Variants in TBC1D1 observed in about 807,000 individuals in gnomAD.
TBC1D1 encodes the protein TBC1 (tre-2/USP6, BUB2, cdc16) domain family, member 1.
Under a neutral mutation model 125.6 loss-of-function variants are expected in TBC1D1, and 89 were observed. The ratio of observed to expected loss-of-function variants is 0.71; its 90% CI spans 0.60 to 0.85. The LOEUF is 0.85. Among genes scored for constraint, TBC1D1 ranks in the 40% least tolerant of loss-of-function variants. TBC1D1 has a pLI of 0.00. For synonymous variants in TBC1D1, 565 were observed against 564.1 expected (o/e 1.00, Z -0.02); for missense variants, 1,377 against 1,469.2 (o/e 0.94, Z 1.03).
At chr4:37,996,081 G>T in intron 2 of TBC1D1, 1 of 511,934 alleles carries the variant, frequency 2.0e-6, no homozygotes, top group East Asian at 5.4e-5. Flanking sequence ...GCCTATGTGG[G>T]TATATGATTT....
intron 3 of TBC1D1, among the ~76,000 whole-genome samples, chr4:38,015,487 GTGTTAAA>G: frequency 1.3e-5 from 2 of 150,708 alleles, no homozygotes; most frequent in South Asian, 4.2e-4. Context: ...TAGAAAAAAA[GTGTTAAA>G]TTGACAGCCA....
chr4:38,002,858 G>A lies in TBC1D1; in HGVS notation c.418-11651G>A, dbSNP rs142852197. ...AAATGGAGTCACTTATGCTAAAGGT[G>A]ATGTAATCAAACTGAAATGTTAAGA... is the stretch of plus-strand genomic sequence containing the variant. On this transcript the variant is annotated intron_variant, in intron 2 of 19. Coordinates refer to ENST00000261439, the MANE Select transcript of TBC1D1 (RefSeq NM_015173.4). Among the ~76,000 whole-genome samples, 580 of 152,318 alleles carry A rather than the reference G, an allele frequency of 3.8e-3. 8 individuals carry two copies. The highest frequency in any genetic ancestry group is 0.013 in the African/African-American group (545 of 41,566).
chr4:38,003,901 T>G (rs1425302792), intron 2 of TBC1D1, among the ~76,000 whole-genome samples: 2 of 151,888 alleles, frequency 1.3e-5, no homozygotes, highest in African/African-American at 4.8e-5. Context: ...GGCCTTTTCT[T>G]ACCTTACAAA....
At chr4:38,094,065 G>T (rs1003130046) in intron 13 of TBC1D1, among the ~76,000 whole-genome samples, 3 of 152,164 alleles carry the variant, frequency 2.0e-5, no homozygotes, top group African/African-American at 7.2e-5. Flanking sequence ...ATACATGATG[G>T]TTTAAAAATC....
chr4:37,939,260 G>A (rs150539954), intron 2 of TBC1D1, among the ~76,000 whole-genome samples: 12,027 of 152,160 alleles, frequency 0.079, 636 homozygotes, highest in Middle Eastern at 0.11. Flanking sequence ...TTTGATTTGC[G>A]TTTCTCTGAT....
chr4:38,091,830 A>G (rs535219685), intron 13 of TBC1D1, among the ~76,000 whole-genome samples: 1 of 152,370 alleles, frequency 6.6e-6, no homozygotes, highest in African/African-American at 2.4e-5. Flanking sequence ...TGTTGCATTA[A>G]GTTTACTGGC....
intron 2 of TBC1D1, among the ~76,000 whole-genome samples, chr4:37,916,151 C>A (rs1420695426): frequency 6.6e-6 from 1 of 152,178 alleles, no homozygotes; most frequent in South Asian, 2.1e-4. Flanking sequence ...GTTAGAGGCA[C>A]AAGTTTCCCC....
At chr4:37,992,632 C>G (rs1560582799) in intron 2 of TBC1D1, among the ~76,000 whole-genome samples, 1 of 146,526 alleles carries the variant, frequency 6.8e-6, no homozygotes, top group Non-Finnish European at 1.5e-5. Context: ...GTAGCTGGGA[C>G]TACAGGTGCC....
chr4:37,962,515 C>A lies in TBC1D1; in HGVS notation c.418-51994C>A, dbSNP rs368660204. Among the ~76,000 whole-genome samples, 28 of 152,190 alleles carry A rather than the reference C, an allele frequency of 1.8e-4. No individual in the cohort carries two copies. In the East Asian group the frequency reaches 4.6e-3, roughly 25 times the overall value. On this transcript the variant is annotated intron_variant, in intron 2 of 19. Transcript: ENST00000261439. ...TATAGCTGTTGATAGAGACACTAAA[C>A]GTTTAAATTTCTAAATGTTTACTGC...
intron 2 of TBC1D1, among the ~76,000 whole-genome samples, chr4:37,975,725 T>A (rs1175577858): frequency 6.6e-6 from 1 of 152,156 alleles, no homozygotes; most frequent in African/African-American, 2.4e-5. Context: ...TCAGCTCCTA[T>A]CTCTGTATGG....
chr4:37,959,168 TA>T (rs1328504533), intron 2 of TBC1D1, among the ~76,000 whole-genome samples: 7 of 152,306 alleles, frequency 4.6e-5, no homozygotes, highest in African/African-American at 1.7e-4. Context: ...ATGTGAGGGT[TA>T]GGGGCGCCAA....
intron 15 of TBC1D1, among the ~76,000 whole-genome samples, chr4:38,108,139 T>C (rs1761646015): frequency 6.6e-6 from 1 of 152,186 alleles, no homozygotes; most frequent in South Asian, 2.1e-4. Context: ...GTAGACAACA[T>C]GGACTGCCCA....
At chr4:37,942,969 GGTA>G (rs1259436753) in intron 2 of TBC1D1, among the ~76,000 whole-genome samples, 3 of 152,202 alleles carry the variant, frequency 2.0e-5, no homozygotes, top group Non-Finnish European at 2.9e-5. Flanking sequence ...TGCAGTGGCT[GGTA>G]CCAGTTGTTC....
At chr4:38,085,107 T>C (rs1757252124) in intron 12 of TBC1D1, among the ~76,000 whole-genome samples, 1 of 152,190 alleles carries the variant, frequency 6.6e-6, no homozygotes, top group African/African-American at 2.4e-5. Flanking sequence ...TCCCCACACA[T>C]TTGTGTGCAG....
At chr4:38,090,655 A>C (rs1442591360) in intron 13 of TBC1D1, among the ~76,000 whole-genome samples, 1 of 152,226 alleles carries the variant, frequency 6.6e-6, no homozygotes, top group African/African-American at 2.4e-5. Flanking sequence ...GATTTTGTTC[A>C]TTTCCTGTTT....
At position 38,042,010 on chromosome 4, in the gene TBC1D1, CA is replaced by C. The variant is rs200742957; in HGVS notation, c.1414-2344del. On this transcript the variant is annotated intron_variant, in intron 8 of 19. Coordinates refer to ENST00000261439, the MANE Select transcript of TBC1D1 (RefSeq NM_015173.4). ...TCAACATGGCGAAACCCCATCTCTA[CA>C]AAAAAAATACAAAAATTAGCCAGAT... Among the ~76,000 whole-genome samples the C allele has an allele frequency of 2.0e-5, 3 of 151,570 alleles. No individual in the cohort carries two copies. The South Asian group carries it at 6.3e-4, about 32-fold the overall frequency.
chr4:37,900,652 A>C (rs1324773205), intron 1 of TBC1D1, among the ~76,000 whole-genome samples: 3 of 152,160 alleles, frequency 2.0e-5, no homozygotes, highest in African/African-American at 7.2e-5. Flanking sequence ...GGAGAGACTG[A>C]AGATCCAGGG....
rs554639406 is a variant in TBC1D1 at position 37,934,189 on chromosome 4, C to T, written c.417+31677C>T. 2.6e-5 allele frequency among the ~76,000 whole-genome samples: 4 copies of T among 152,274 alleles called. No individual in the cohort carries two copies. In the East Asian group the frequency reaches 5.8e-4, roughly 22 times the overall value. On this transcript the variant is annotated intron_variant, in intron 2 of 19. Transcript: ENST00000261439. Reference sequence around the variant, plus strand: ...TAGGGAATGTGGAGGAAAAAGGAGTCAGACCAACTAGAATCTGGAAAGGTC... The same window carrying T: ...TAGGGAATGTGGAGGAAAAAGGAGTTAGACCAACTAGAATCTGGAAAGGTC...
chr4:37,998,170 C>T (rs529144106), intron 2 of TBC1D1, among the ~76,000 whole-genome samples: 4 of 152,310 alleles, frequency 2.6e-5, no homozygotes, highest in African/African-American at 9.6e-5. Flanking sequence ...CGTCACTTCT[C>T]TCTCCTCAGT....
Sources: allele counts gnomAD v4.1 joint callset (sites outside exome capture counted in the v4.1 genomes callset), GRCh38; gene constraint gnomAD v4.1.1; transcripts MANE v1.5; gene names NCBI Gene and HGNC (gene_info 2026-07-23, HGNC 2026-07-21).